The following SORCS2 variants were observed in gnomAD, a reference collection of about 807,000 sequenced individuals.
SORCS2 encodes sortilin related VPS10 domain containing receptor 2.
In SORCS2, 100 loss-of-function variants were observed where a neutral mutation model predicts 141.6. The observed-to-expected ratio is 0.71, with a 90% CI of 0.60 to 0.83. SORCS2 has a LOEUF of 0.83. Ranked by LOEUF, SORCS2 falls within the 40% of genes least tolerant of loss-of-function variation. The pLI is 0.00. For synonymous variants in SORCS2, 789 were observed against 676.9 expected (o/e 1.17, Z -2.57); for missense variants, 1,646 against 1,560.2 (o/e 1.05, Z -0.93).
At chr4:7,237,513 C>T (rs1312264764) in intron 1 of SORCS2, among the ~76,000 whole-genome samples, 1 of 152,176 alleles carries the variant, frequency 6.6e-6, no homozygotes, top group African/African-American at 2.4e-5. Flanking sequence ...GGCACTGACT[C>T]TAGCATTTAA....
intron 1 of SORCS2, among the ~76,000 whole-genome samples, chr4:7,377,423 A>T (rs1259192123): frequency 6.6e-6 from 1 of 152,222 alleles, no homozygotes; most frequent in Non-Finnish European, 1.5e-5. Context: ...GCATGAAGCC[A>T]CATGCCACGT....
intron 1 of SORCS2, among the ~76,000 whole-genome samples, chr4:7,269,044 T>A (rs1714934939): frequency 6.6e-6 from 1 of 151,288 alleles, no homozygotes; most frequent in African/African-American, 2.4e-5. Context: ...AGAGCGGGGG[T>A]TGAGGTTGAC....
At chr4:7,554,011 A>G (rs1052779462) in intron 3 of SORCS2, among the ~76,000 whole-genome samples, 1 of 152,244 alleles carries the variant, frequency 6.6e-6, no homozygotes, top group African/African-American at 2.4e-5. Context: ...GAAAACAGCC[A>G]TGGGCGAGAG....
At chr4:7,526,587 G>A (rs1733709712) in intron 2 of SORCS2, among the ~76,000 whole-genome samples, 1 of 152,144 alleles carries the variant, frequency 6.6e-6, no homozygotes. Context: ...ACCACAGTTG[G>A]GGGGGCCCTG....
intron 11 of SORCS2, among the ~76,000 whole-genome samples, chr4:7,693,615 C>G (rs1724397490): frequency 1.3e-5 from 2 of 152,212 alleles, no homozygotes; most frequent in Non-Finnish European, 2.9e-5. Context: ...GAGCAGAGGC[C>G]AGTGAACACT....
chr4:7,694,985 GT>G (rs1270449291), intron 11 of SORCS2, among the ~76,000 whole-genome samples: 1 of 151,772 alleles, frequency 6.6e-6, no homozygotes, highest in East Asian at 2.0e-4. Context: ...TCCTGGCTCT[GT>G]GTTCACCTGC....
chr4:7,336,054 G>T (rs1719964452), intron 1 of SORCS2, among the ~76,000 whole-genome samples: 2 of 152,234 alleles, frequency 1.3e-5, no homozygotes, highest in Non-Finnish European at 2.9e-5. Context: ...AGCGCTGTGT[G>T]CAGGGGCTCA....
chr4:7,287,070 G>C (rs1486868836), intron 1 of SORCS2, among the ~76,000 whole-genome samples: 1 of 152,154 alleles, frequency 6.6e-6, no homozygotes, highest in Non-Finnish European at 1.5e-5. Context: ...GCTGCCCTGG[G>C]TCACAGCCTT....
At chr4:7,472,471 G>A (rs1004199430) in intron 2 of SORCS2, among the ~76,000 whole-genome samples, 2 of 152,160 alleles carry the variant, frequency 1.3e-5, no homozygotes, top group African/African-American at 2.4e-5. Context: ...AGGCACTACA[G>A]GCCTAGTGGG....
intron 13 of SORCS2, 146 bp from the exon 14 acceptor site, chr4:7,704,030 TG>T (rs1725253212): frequency 7.3e-6 from 5 of 688,058 alleles, no homozygotes; most frequent in Non-Finnish European, 1.3e-5. Context: ...TATGAGCAGA[TG>T]TGACATAAGC....
chr4:7,671,004 C>T (rs903897914), intron 8 of SORCS2, among the ~76,000 whole-genome samples: 3 of 152,142 alleles, frequency 2.0e-5, no homozygotes, highest in Admixed American at 6.5e-5. Flanking sequence ...TATTTTTCCC[C>T]CTTTTCCCTT....
At chr4:7,724,542 A>G (rs1391423850) in intron 19 of SORCS2, among the ~76,000 whole-genome samples, 10 of 102,020 alleles carry the variant, frequency 9.8e-5, no homozygotes, top group East Asian at 7.7e-4. Flanking sequence ...GGTGATGGTG[A>G]TAGTAGTGGT....
At chr4:7,242,384 TG>T (rs1353588497) in intron 1 of SORCS2, among the ~76,000 whole-genome samples, 2 of 151,946 alleles carry the variant, frequency 1.3e-5, no homozygotes, top group African/African-American at 4.8e-5. Flanking sequence ...ATTTTATTTT[TG>T]TAGAGTTGGG....
At chr4:7,358,790 G>T (rs550749609) in intron 1 of SORCS2, among the ~76,000 whole-genome samples, 63 of 152,312 alleles carry the variant, frequency 4.1e-4, no homozygotes, top group African/African-American at 1.4e-3. Flanking sequence ...CAATAGAAAA[G>T]ATGGTTTATT....
intron 2 of SORCS2, among the ~76,000 whole-genome samples, chr4:7,455,752 G>A (rs1249257811): frequency 3.3e-5 from 5 of 151,796 alleles, no homozygotes; most frequent in Non-Finnish European, 7.4e-5. Context: ...CTCCGTCTTG[G>A]GGTCAGGCTC....
At chr4:7,445,830 G>C (rs1013454184) in intron 2 of SORCS2, among the ~76,000 whole-genome samples, 1 of 152,134 alleles carries the variant, frequency 6.6e-6, no homozygotes, top group Non-Finnish European at 1.5e-5. Flanking sequence ...GGGATGGCCA[G>C]CTGCTTTTCC....
At chr4:7,665,616 A>T (rs1249166368) in intron 7 of SORCS2, among the ~76,000 whole-genome samples, 1 of 151,826 alleles carries the variant, frequency 6.6e-6, no homozygotes, top group Non-Finnish European at 1.5e-5. Flanking sequence ...GCCTTCCTCC[A>T]TCACAGTCCA....
chr4:7,590,707 C>T (rs1449001290), intron 3 of SORCS2, among the ~76,000 whole-genome samples: 1 of 152,180 alleles, frequency 6.6e-6, no homozygotes, highest in Non-Finnish European at 1.5e-5. Flanking sequence ...CCATCCCTGC[C>T]CTGGGAGACT....
At chr4:7,649,301 T>C (rs1283899226) in intron 4 of SORCS2, among the ~76,000 whole-genome samples, 1 of 85,012 alleles carries the variant, frequency 1.2e-5, no homozygotes, top group Non-Finnish European at 2.6e-5. Flanking sequence ...GTGCCTGGGG[T>C]GGGGGCATGC....
Sources: gnomAD v4.1 joint callset for allele counts (sites outside exome capture counted in the v4.1 genomes callset) on GRCh38, gnomAD v4.1.1 for gene constraint, MANE v1.5 for transcripts, NCBI Gene and HGNC (gene_info 2026-07-23, HGNC 2026-07-21) for gene names.